CLASP2: variants seen among roughly 807,000 people sequenced by gnomAD.
The protein encoded by CLASP2 is CLIP-associating protein 2.
In CLASP2, 47 loss-of-function variants were observed where a neutral mutation model predicts 194.4. That is an observed-to-expected ratio of 0.24 (90% CI 0.19 to 0.31). CLASP2 has a LOEUF of 0.31. Among genes scored for constraint, CLASP2 ranks in the 10% least tolerant of loss-of-function variants. The pLI, the probability that CLASP2 is intolerant of heterozygous loss-of-function variation, is 1.00. For missense variants in CLASP2, 1,445 were observed against 1,823.6 expected (o/e 0.79, Z 3.78); for synonymous variants, 619 against 633.5 (o/e 0.98, Z 0.34).
intron 1 of CLASP2, among the ~76,000 whole-genome samples, chr3:33,710,309 T>C (rs1394722476): frequency 2.0e-5 from 3 of 152,218 alleles, no homozygotes; most frequent in Non-Finnish European, 4.4e-5. Context: ...ATAGAAAACC[T>C]TTTAAAAATC....
At chr3:33,686,167 G>GA (rs2090643982) in intron 5 of CLASP2, among the ~76,000 whole-genome samples, 1 of 152,124 alleles carries the variant, frequency 6.6e-6, no homozygotes, top group African/African-American at 2.4e-5. Context: ...TAAAAGAAGG[G>GA]AAAATCTTTC....
chr3:33,576,286 A>C lies in CLASP2; in HGVS notation c.2348-11T>G. 1.2e-6 allele frequency: 2 copies of C among 1,600,620 alleles called. No homozygotes were observed. The highest frequency in any genetic ancestry group is 1.7e-6 in the Non-Finnish European group (2 of 1,168,114). ...TCCCATAACCTGGACCTAATTCATCAAAAGAAGGAAAATAGATTTGAAGGA... is the reference window on the plus strand; with the variant it reads ...TCCCATAACCTGGACCTAATTCATCCAAAGAAGGAAAATAGATTTGAAGGA... On this transcript the variant is annotated splice_polypyrimidine_tract_variant and intron_variant, in intron 23 of 38. Coordinates refer to ENST00000682230, the MANE Select transcript of CLASP2 (RefSeq NM_001365631.1).
chr3:33,619,560 T>TG, intron 12 of CLASP2, 43 bp downstream of exon 12: 2 of 1,408,202 alleles, frequency 1.4e-6, no homozygotes, highest in South Asian at 1.4e-5. Context: ...GAAACAAAAG[T>TG]GGGGGGAGGA....
At chr3:33,528,318 A>G (rs2055185923) in intron 34 of CLASP2, among the ~76,000 whole-genome samples, 1 of 152,236 alleles carries the variant, frequency 6.6e-6, no homozygotes, top group African/African-American at 2.4e-5. Flanking sequence ...TATATGACAA[A>G]CCCACAGCAG....
intron 7 of CLASP2, among the ~76,000 whole-genome samples, chr3:33,647,960 G>A (rs1380106542): frequency 6.6e-6 from 1 of 152,054 alleles, no homozygotes; most frequent in Non-Finnish European, 1.5e-5. Flanking sequence ...GTGAACCTGG[G>A]AGGTGGAGGT....
Position 33,664,258 on chromosome 3 carries a change from G to C in CLASP2, c.645-743C>G, listed in dbSNP as rs190676116. Reference sequence around the variant, plus strand: ...ATACAAATTTTCTTCAGAGTGAAATGGGATAAAACTGACAGCACTTTTTTT... The same window carrying C: ...ATACAAATTTTCTTCAGAGTGAAATCGGATAAAACTGACAGCACTTTTTTT... On this transcript the variant is annotated intron_variant, in intron 6 of 38. Coordinates refer to ENST00000682230, the MANE Select transcript of CLASP2 (RefSeq NM_001365631.1). 1.6e-3 allele frequency among the ~76,000 whole-genome samples: 251 copies of C among 152,144 alleles called. 1 individual carries two copies. The highest frequency in any genetic ancestry group is 5.8e-3 in the African/African-American group (242 of 41,528).
intron 16 of CLASP2, among the ~76,000 whole-genome samples, chr3:33,605,745 A>C (rs768908478): frequency 6.6e-6 from 1 of 152,062 alleles, no homozygotes; most frequent in Non-Finnish European, 1.5e-5. Flanking sequence ...CAGCCTCCCA[A>C]GTAGCTGGGA....
At chr3:33,681,526 A>T (rs554783632) in intron 6 of CLASP2, among the ~76,000 whole-genome samples, 8 of 152,220 alleles carry the variant, frequency 5.3e-5, no homozygotes, top group Non-Finnish European at 1.2e-4. Flanking sequence ...ATATGAAGAG[A>T]AAATAACATG....
At chr3:33,623,339 G>A (rs922926846) in intron 10 of CLASP2, among the ~76,000 whole-genome samples, 1 of 152,032 alleles carries the variant, frequency 6.6e-6, no homozygotes. Flanking sequence ...TCACCCTACT[G>A]TGCTGCCTAA....
intron 12 of CLASP2, among the ~76,000 whole-genome samples, chr3:33,616,837 A>G (rs2076269014): frequency 6.7e-6 from 1 of 148,352 alleles, no homozygotes; most frequent in Non-Finnish European, 1.5e-5. Context: ...TCCCAAGTTC[A>G]AGCAATACTC....
intron 34 of CLASP2, among the ~76,000 whole-genome samples, chr3:33,525,517 G>C (rs1460945031): frequency 1.3e-5 from 2 of 151,982 alleles, no homozygotes; most frequent in Non-Finnish European, 2.9e-5. Flanking sequence ...ACCGAGCCAG[G>C]GGAACCTCCC....
chr3:33,538,924 T>C lies in CLASP2; in HGVS notation c.3423A>G (p.Thr1141=). ...AAATATCTTCAGAGTTCATATTTTC[T>C]GTGTCATAATCAAATGCACTATGAA... The part of the protein sequence containing the change: ...TLSPSAFDYD[T]ENMNSEDIYS... The change falls in exon 33 of 39, where the codon ACA becomes ACG. Residue 1141 remains threonine (T), a synonymous_variant. Coordinates refer to ENST00000682230, the MANE Select transcript of CLASP2 (RefSeq NM_001365631.1). The C allele has an allele frequency of 1.3e-6, 2 of 1,581,168 alleles. No homozygotes were observed. Among genetic ancestry groups the C allele is most frequent in the Non-Finnish European group, 1.7e-6 (2 of 1,167,174 alleles).
intron 7 of CLASP2, among the ~76,000 whole-genome samples, chr3:33,646,668 TA>T (rs969232179): frequency 6.0e-5 from 9 of 149,872 alleles, no homozygotes; most frequent in African/African-American, 1.2e-4. Flanking sequence ...TCCCTACCAT[TA>T]AAAAAAAAAT....
At chr3:33,645,929 TACACAC>T (rs60196645) in intron 7 of CLASP2, among the ~76,000 whole-genome samples, 4,462 of 135,136 alleles carry the variant, frequency 0.033, 108 homozygotes, top group African/African-American at 0.069. Flanking sequence ...TCTCCCAGCA[TACACAC>T]ACACACACAC....
intron 34 of CLASP2, among the ~76,000 whole-genome samples, chr3:33,533,541 A>C (rs964877687): frequency 3.9e-5 from 6 of 152,226 alleles, no homozygotes; most frequent in African/African-American, 1.2e-4. Flanking sequence ...GGAAATGTAC[A>C]TTCATCACAA....
chr3:33,508,126 C>CT (rs2048783376), intron 37 of CLASP2, among the ~76,000 whole-genome samples: 1 of 151,870 alleles, frequency 6.6e-6, no homozygotes, highest in African/African-American at 2.4e-5. Flanking sequence ...TGCTGAATAG[C>CT]TGGGACCATA....
At chr3:33,673,186 C>T (rs558785521) in intron 6 of CLASP2, among the ~76,000 whole-genome samples, 12 of 152,084 alleles carry the variant, frequency 7.9e-5, no homozygotes, top group African/African-American at 2.9e-4. Flanking sequence ...TAAGGGCAGC[C>T]AGAGAGAAAG....
chr3:33,660,955 CATG>C lies in CLASP2; in HGVS notation c.715+2487_715+2489del, dbSNP rs1456190512. 4.6e-5 allele frequency among the ~76,000 whole-genome samples: 7 copies of C among 152,264 alleles called. No individual in the cohort carries two copies. The South Asian group carries it at 6.2e-4, about 14-fold the overall frequency. On this transcript the variant is annotated intron_variant, in intron 7 of 38. Transcript: ENST00000682230. Reference sequence around the variant, plus strand: ...ATAAAGAAGAAGTTGAATTAAACTCCATGATATTACTTCATGTACAATTTCCCT... The same window carrying C: ...ATAAAGAAGAAGTTGAATTAAACTCCATATTACTTCATGTACAATTTCCCT...
At chr3:33,571,106 C>T (rs564532434) in intron 25 of CLASP2, among the ~76,000 whole-genome samples, 6 of 150,662 alleles carry the variant, frequency 4.0e-5, no homozygotes, top group South Asian at 4.2e-4. Flanking sequence ...CTCCGCCCCC[C>T]GGGTTCACGC....
Sources: allele counts gnomAD v4.1 joint callset (sites outside exome capture counted in the v4.1 genomes callset), GRCh38; gene constraint gnomAD v4.1.1; transcripts MANE v1.5; gene names NCBI Gene and HGNC (gene_info 2026-07-23, HGNC 2026-07-21).